LRMDA: variants seen among roughly 807,000 people sequenced by gnomAD.
The protein encoded by LRMDA is leucine-rich melanocyte differentiation-associated protein.
In LRMDA, 18 loss-of-function variants were observed where a neutral mutation model predicts 29.8. The observed-to-expected ratio is 0.60, with a 90% confidence interval of 0.42 to 0.90. The LOEUF is 0.90. Among genes scored for constraint, LRMDA ranks in the 40% least tolerant of loss-of-function variants. The pLI, the probability that LRMDA is intolerant of heterozygous loss-of-function variation, is 0.00. For missense variants in LRMDA, 273 were observed against 273.9 expected (o/e 1.00, Z 0.02); for synonymous variants, 125 against 109.4 (o/e 1.14, Z -0.89).
intron 5 of LRMDA, among the ~76,000 whole-genome samples, chr10:76,068,250 C>T (rs1183918906): frequency 1.3e-5 from 2 of 152,182 alleles, no homozygotes; most frequent in Non-Finnish European, 2.9e-5. Flanking sequence ...CTCATGTAAG[C>T]TCAGTGATGA....
At chr10:75,478,674 T>C (rs1844823146) in intron 2 of LRMDA, among the ~76,000 whole-genome samples, 1 of 152,186 alleles carries the variant, frequency 6.6e-6, no homozygotes, top group Non-Finnish European at 1.5e-5. Flanking sequence ...TGAAATGAAA[T>C]GGCAATGGGC....
At chr10:75,904,172 A>G (rs953660572) in intron 2 of LRMDA, among the ~76,000 whole-genome samples, 2 of 152,210 alleles carry the variant, frequency 1.3e-5, no homozygotes, top group African/African-American at 4.8e-5. Flanking sequence ...TATGATAAGT[A>G]GGGAGAGCAT....
rs59549881 is a variant in LRMDA at position 75,846,177 on chromosome 10, T to TTGTGTGTGTGTG, written c.132-189803_132-189792dup. Among the ~76,000 whole-genome samples the TTGTGTGTGTGTG allele has an allele frequency of 7.8e-4, 111 of 143,074 alleles. No homozygotes were observed. The Middle Eastern group carries it at 0.011, about 14-fold the overall frequency. 93.9% of individuals were successfully genotyped at this position (143,074 alleles called of 152,430 possible). On this transcript the variant is annotated intron_variant, in intron 2 of 6. Transcript: ENST00000611255. ...TTTTGTTACTTATTTGTGTGTGTGT[T>TTGTGTGTGTGTG]TGTGTGTGTGTGTGTGTGTGTGTGT...
intron 2 of LRMDA, among the ~76,000 whole-genome samples, chr10:75,819,787 G>A (rs2132279689): frequency 6.6e-6 from 1 of 152,244 alleles, no homozygotes; most frequent in South Asian, 2.1e-4. Context: ...GCAAGAAAAT[G>A]GTGGATCTAG....
chr10:76,156,887 A>T (rs1000967070), intron 5 of LRMDA, among the ~76,000 whole-genome samples: 2 of 152,176 alleles, frequency 1.3e-5, no homozygotes, highest in Non-Finnish European at 2.9e-5. Flanking sequence ...TATCCCACTG[A>T]ATTACTTTCC....
intron 6 of LRMDA, among the ~76,000 whole-genome samples, chr10:76,530,953 A>G (rs1417930709): frequency 6.6e-6 from 1 of 152,168 alleles, no homozygotes; most frequent in Non-Finnish European, 1.5e-5. Context: ...GTAGAAGATA[A>G]TTCTATGAAA....
At chr10:76,250,126 A>G (rs1272115409) in intron 5 of LRMDA, among the ~76,000 whole-genome samples, 1 of 152,186 alleles carries the variant, frequency 6.6e-6, no homozygotes, top group Non-Finnish European at 1.5e-5. Context: ...CATTTAACAC[A>G]GTTGAATATG....
intron 6 of LRMDA, among the ~76,000 whole-genome samples, chr10:76,351,440 G>A (rs1279051920): frequency 6.6e-6 from 1 of 152,074 alleles, no homozygotes; most frequent in South Asian, 2.1e-4. Context: ...AAAACTTGCT[G>A]GTACTTCTGA....
chr10:76,134,139 C>T (rs1473264777), intron 5 of LRMDA, among the ~76,000 whole-genome samples: 1 of 152,220 alleles, frequency 6.6e-6, no homozygotes, highest in Non-Finnish European at 1.5e-5. Context: ...TCAACCACTC[C>T]TAAGGCAGGG....
At chr10:75,535,878 C>G (rs1016285830) in intron 2 of LRMDA, among the ~76,000 whole-genome samples, 1 of 152,108 alleles carries the variant, frequency 6.6e-6, no homozygotes, top group Non-Finnish European at 1.5e-5. Context: ...GTGGACCAGG[C>G]CAGGAGGCAG....
At chr10:76,228,630 G>A (rs1256749716) in intron 5 of LRMDA, among the ~76,000 whole-genome samples, 2 of 152,170 alleles carry the variant, frequency 1.3e-5, no homozygotes, top group African/African-American at 4.8e-5. Flanking sequence ...GGGGCCACAG[G>A]AGTGGGGTTG....
chr10:76,045,515 T>G (rs1306742316), intron 3 of LRMDA, among the ~76,000 whole-genome samples: 1 of 152,010 alleles, frequency 6.6e-6, no homozygotes, highest in Middle Eastern at 3.2e-3. Context: ...CTCTTCTGCT[T>G]GTACTCTGCT....
At chr10:76,338,397 T>A (rs900966864) in intron 6 of LRMDA, among the ~76,000 whole-genome samples, 5 of 149,760 alleles carry the variant, frequency 3.3e-5, no homozygotes, top group Admixed American at 2.0e-4. Flanking sequence ...AATAAATAAA[T>A]AATAAATAAA....
chr10:76,243,106 A>T (rs1404749981), intron 5 of LRMDA, among the ~76,000 whole-genome samples: 1 of 152,178 alleles, frequency 6.6e-6, no homozygotes, highest in Non-Finnish European at 1.5e-5. Context: ...CTTCCCAGCC[A>T]AGCTCATGCT....
At chr10:75,778,041 C>T (rs966685019) in intron 2 of LRMDA, among the ~76,000 whole-genome samples, 1 of 152,112 alleles carries the variant, frequency 6.6e-6, no homozygotes, top group Admixed American at 6.5e-5. Flanking sequence ...ACCCTAGCCC[C>T]AGAGTAGAGA....
At chr10:76,420,118 A>C (rs888415644) in intron 6 of LRMDA, among the ~76,000 whole-genome samples, 2 of 151,952 alleles carry the variant, frequency 1.3e-5, no homozygotes, top group Admixed American at 6.6e-5. Flanking sequence ...TCTTTGGAAG[A>C]GTTCATTTAA....
At chr10:75,903,387 A>C (rs1426335852) in intron 2 of LRMDA, among the ~76,000 whole-genome samples, 1 of 152,186 alleles carries the variant, frequency 6.6e-6, no homozygotes, top group Non-Finnish European at 1.5e-5. Flanking sequence ...AACGATGTCC[A>C]CATTTGCATA....
intron 2 of LRMDA, among the ~76,000 whole-genome samples, chr10:76,007,475 G>A (rs1460069106): frequency 3.9e-5 from 6 of 152,140 alleles, no homozygotes; most frequent in Non-Finnish European, 7.4e-5. Context: ...TGCTTCCTGC[G>A]TATTGCCCTC....
At chr10:76,339,450 T>G (rs1408015446) in intron 6 of LRMDA, among the ~76,000 whole-genome samples, 1 of 151,884 alleles carries the variant, frequency 6.6e-6, no homozygotes, top group Admixed American at 6.6e-5. Context: ...AATTAAAGGA[T>G]TTTTCCTCCT....
Sources: allele counts gnomAD v4.1 joint callset (sites outside exome capture counted in the v4.1 genomes callset), GRCh38; gene constraint gnomAD v4.1.1; transcripts MANE v1.5; gene names NCBI Gene and HGNC (gene_info 2026-07-23, HGNC 2026-07-21).